KIF19: variants seen among roughly 807,000 people sequenced by gnomAD.
The protein encoded by KIF19 is kinesin family member 19.
KIF19 carries 98 observed loss-of-function variants against 106.6 expected under a neutral mutation model. The observed-to-expected ratio is 0.92, with a 90% CI of 0.78 to 1.09. KIF19 has a LOEUF of 1.09. Ranked by LOEUF, KIF19 falls within the 50% of genes least tolerant of loss-of-function variation. The pLI is 0.00. For synonymous variants in KIF19, 516 were observed against 584.2 expected (o/e 0.88, Z 1.68); for missense variants, 1,373 against 1,414.3 (o/e 0.97, Z 0.47).
chr17:74,352,046 G>T lies in KIF19; in HGVS notation c.1767G>T (p.Ala589=). 1 of 1,579,298 alleles carries T rather than the reference G, an allele frequency of 6.3e-7. No homozygotes were observed. Among genetic ancestry groups the T allele is most frequent in the East Asian group, 2.3e-5 (1 of 42,920 alleles). Residue 589 remains alanine, a synonymous_variant, in exon 13 of 20, where the codon GCG becomes GCT. Transcript: ENST00000389916. ...CGCACGCGCTGCTCCGCGACGGTGC[G>T]CTCCGCCACCGCCACGAGGCCGTGC... ...MQSHALLRDG[A]LRHRHEAVRR...
chr17:74,339,009 A>G (rs969226519), intron 2 of KIF19, among the ~76,000 whole-genome samples: 4 of 151,724 alleles, frequency 2.6e-5, no homozygotes, highest in African/African-American at 9.7e-5. Context: ...TCTATGGGGC[A>G]CCCCTATGAC....
At chr17:74,342,329 C>A (rs150311591) in intron 3 of KIF19, among the ~76,000 whole-genome samples, 1 of 152,168 alleles carries the variant, frequency 6.6e-6, no homozygotes, top group South Asian at 2.1e-4. Context: ...TCCTCGAGGA[C>A]CCCCATCTCG....
chr17:74,346,105 A>C lies in KIF19; in HGVS notation c.778-273A>C, dbSNP rs1426491291. 6.6e-6 allele frequency among the ~76,000 whole-genome samples: 1 copy of C among 152,164 alleles called. No homozygotes were observed. The highest frequency in any genetic ancestry group is 1.5e-5 in the Non-Finnish European group (1 of 68,006). On this transcript the variant is annotated intron_variant, in intron 7 of 19. Coordinates refer to ENST00000389916, the MANE Select transcript of KIF19 (RefSeq NM_153209.4). The surrounding 1 kb of genome is among the most constrained non-coding windows in gnomAD (Gnocchi z 4.6). The stretch of plus-strand genomic sequence containing the variant: ...ACCTCCCTCCCATCTCATCCATGGC[A>C]CTGTGTGTCAGGCCGTGCCACGGCA...
intron 15 of KIF19, 85 bp from the exon 16 acceptor site, chr17:74,353,111 C>G: frequency 1.4e-6 from 2 of 1,409,598 alleles, no homozygotes; most frequent in Non-Finnish European, 2.0e-6. Context: ...TCCTTTCACA[C>G]CAACAGCTTC....
At chr17:74,354,686 A>G in intron 18 of KIF19, 96 bp from the exon 19 acceptor site, 1 of 1,520,484 alleles carries the variant, frequency 6.6e-7, no homozygotes, top group Non-Finnish European at 8.9e-7. Flanking sequence ...CACCCTCCAC[A>G]GTCTCTGTCC....
At chr17:74,333,424 G>A (rs540245317) in intron 2 of KIF19, among the ~76,000 whole-genome samples, 24 of 149,034 alleles carry the variant, frequency 1.6e-4, no homozygotes, top group African/African-American at 4.7e-4. Context: ...GTGCCGTGGC[G>A]CTATCTTAGC....
rs768758945 is a variant in KIF19 at position 74,344,871 on chromosome 17, C to G, written c.693C>G (p.Arg231=). The change falls in exon 7 of 20, where the codon CGC becomes CGG. Residue 231 remains arginine (R), a synonymous_variant. Coordinates refer to ENST00000389916, the MANE Select transcript of KIF19 (RefSeq NM_153209.4). ...TACTGCAGGTGACCGTGCGCCAGCG[C>G]AGCCGGGTCAAGAACATCTTGCAGG... ...HAVLQVTVRQ[R]SRVKNILQEV... 1.2e-6 allele frequency: 2 copies of G among 1,612,762 alleles called. No homozygotes were observed. The highest frequency in any genetic ancestry group is 1.7e-6 in the Non-Finnish European group (2 of 1,179,806).
intron 7 of KIF19, among the ~76,000 whole-genome samples, chr17:74,345,927 C>T (rs1490714495): frequency 2.0e-5 from 3 of 152,144 alleles, no homozygotes; most frequent in Admixed American, 2.0e-4. Flanking sequence ...AGGGCCTCCT[C>T]GGCTTTGACA....
intron 1 of KIF19, 124 bp downstream of exon 1, chr17:74,326,512 G>A: frequency 1.2e-6 from 1 of 845,990 alleles, no homozygotes; most frequent in Non-Finnish European, 1.9e-6. Flanking sequence ...CCAGGGCCGG[G>A]ACTCTTCAGA....
chr17:74,354,024 T>A (rs1312966511), intron 17 of KIF19, 138 bp from the exon 18 acceptor site: 1 of 967,392 alleles, frequency 1.0e-6, no homozygotes, highest in Non-Finnish European at 1.5e-6. Flanking sequence ...GGGCCCAAGT[T>A]TCTTACATAG....
rs1432948604 is a variant in KIF19, at chr17:74,346,180, C to T, written c.778-198C>T. 6.6e-6 allele frequency among the ~76,000 whole-genome samples: 1 copy of T among 152,242 alleles called. No homozygotes were observed. Among genetic ancestry groups the T allele is most frequent in the Non-Finnish European group, 1.5e-5 (1 of 68,050 alleles). ...CTCAGCCCTCCTCAGAAGCTGTCAG[C>T]CCATCACTCTTGTTCAGAGGCCTCT... On this transcript the variant is annotated intron_variant, in intron 7 of 19. Transcript: ENST00000389916. This position sits in a 1 kb window ranked among gnomAD's most constrained non-coding sequence, Gnocchi z 4.6.
chr17:74,349,317 G>T lies in KIF19; in HGVS notation c.1181G>T (p.Arg394Leu), dbSNP rs746629366. 2 of 1,607,622 alleles carry T rather than the reference G, an allele frequency of 1.2e-6. No individual in the cohort carries two copies. The highest frequency in any genetic ancestry group is 2.7e-5 in the African/African-American group (2 of 74,842). Reference protein sequence around the residue: ...EQTGRGQARGRQDRGDIRHIQ... With the variant: ...EQTGRGQARGLQDRGDIRHIQ... ...ACTGGGCGGGGCCAGGCCCGGGGCC[G>T]GCAGGATCGGGGTGACATCCGCCAC... The change falls in exon 10 of 20, where the codon CGG (arginine) becomes CTG (leucine). Residue 394 changes from arginine (R) to leucine (L), a missense_variant. This residue lies in a region of KIF19 where 1,020 missense variants were observed against 1,008.2 expected (regional missense o/e 1.01). Transcript: ENST00000389916.
chr17:74,326,332 C>T lies in KIF19; in HGVS notation c.-18C>T, dbSNP rs763936964. The T allele has an allele frequency of 3.1e-6, 5 of 1,610,052 alleles. No individual in the cohort carries two copies. The highest frequency in any genetic ancestry group is 4.2e-6 in the Non-Finnish European group (5 of 1,178,634). ...CATGCCCGGTGGCGCGGCCTGAGCCCCTCCACCTGCTGCAATCATGAAGGA... is the reference window on the plus strand; with the variant it reads ...CATGCCCGGTGGCGCGGCCTGAGCCTCTCCACCTGCTGCAATCATGAAGGA... On this transcript the variant is annotated 5_prime_UTR_variant, in exon 1 of 20. Transcript: ENST00000389916.
chr17:74,343,407 C>T (rs2054440347), intron 5 of KIF19, among the ~76,000 whole-genome samples: 2 of 152,194 alleles, frequency 1.3e-5, no homozygotes, highest in Non-Finnish European at 2.9e-5. Flanking sequence ...GTGCCACGCT[C>T]ACCACCTCAC....
At position 74,326,300 on chromosome 17, in the gene KIF19, GCTGAGCCATGCCCGGTGGCGCGGC is replaced by G. The variant is rs1181092467; in HGVS notation, c.-42_-19del. The G allele has an allele frequency of 6.3e-7, 1 of 1,577,056 alleles. No homozygotes were observed. The highest frequency in any genetic ancestry group is 1.4e-5 in the African/African-American group (1 of 72,402). Reference sequence around the variant, plus strand: ...GCGACCCGGAGGCGGTGGGGGTGCGGCTGAGCCATGCCCGGTGGCGCGGCCTGAGCCCCTCCACCTGCTGCAATC... The same window carrying G: ...GCGACCCGGAGGCGGTGGGGGTGCGGCTGAGCCCCTCCACCTGCTGCAATC... On this transcript the variant is annotated 5_prime_UTR_variant, in exon 1 of 20. It removes an upstream start codon present in the reference 5' UTR. Transcript: ENST00000389916.
At chr17:74,348,423 G>A (rs925449672) in intron 9 of KIF19, among the ~76,000 whole-genome samples, 6 of 152,236 alleles carry the variant, frequency 3.9e-5, no homozygotes, top group East Asian at 1.9e-4. Flanking sequence ...TTCCAAGTCC[G>A]TGTCCTCACC....
At chr17:74,353,381 A>G (rs2054775774) in intron 16 of KIF19, 80 bp downstream of exon 16, 1 of 1,451,286 alleles carries the variant, frequency 6.9e-7, no homozygotes, top group African/African-American at 1.4e-5. Flanking sequence ...AGCAGTTGGG[A>G]TGGACCCTTT....
chr17:74,341,221 T>C (rs2054364068), intron 2 of KIF19, among the ~76,000 whole-genome samples: 1 of 152,060 alleles, frequency 6.6e-6, no homozygotes, highest in South Asian at 2.1e-4. Flanking sequence ...CTGGAGGCTG[T>C]GGCAGGAGAA....
intron 2 of KIF19, among the ~76,000 whole-genome samples, chr17:74,335,970 C>T (rs1312589561): frequency 6.6e-6 from 1 of 152,222 alleles, no homozygotes; most frequent in African/African-American, 2.4e-5. Flanking sequence ...CACTGTGTGG[C>T]TTCAACAACA....
Sources: allele counts gnomAD v4.1 joint callset (sites outside exome capture counted in the v4.1 genomes callset), GRCh38; gene constraint gnomAD v4.1.1; regional missense constraint gnomAD v4.1.1; non-coding constraint Gnocchi (gnomAD v3.1); transcripts MANE v1.5; gene names NCBI Gene and HGNC (gene_info 2026-07-23, HGNC 2026-07-21).